Variants in PHF3 observed in about 807,000 individuals in gnomAD.
PHF3 encodes the protein PHD finger protein 3.
PHF3 carries 41 observed loss-of-function variants against 178.4 expected under a neutral mutation model. The ratio of observed to expected loss-of-function variants is 0.23; its 90% CI spans 0.18 to 0.30. PHF3 has a LOEUF of 0.30. Among genes scored for constraint, PHF3 ranks in the 10% least tolerant of loss-of-function variants. The pLI is 1.00. For synonymous variants in PHF3, 842 were observed against 800.5 expected (o/e 1.05, Z -0.88); for missense variants, 2,346 against 2,398.1 (o/e 0.98, Z 0.45).
intron 2 of PHF3, among the ~76,000 whole-genome samples, chr6:63,650,109 A>G (rs1764958490): frequency 2.0e-5 from 3 of 152,150 alleles, no homozygotes; most frequent in Admixed American, 6.5e-5. Context: ...CTGTAAGTTG[A>G]TATCTTTAGT....
At position 63,721,357 on chromosome 6, in the gene PHF3, C is replaced by G; in HGVS notation, c.*7649C>G. 6.4e-7 allele frequency: 1 copy of G among 1,551,930 alleles called. No individual in the cohort carries two copies. Among genetic ancestry groups the G allele is most frequent in the Non-Finnish European group, 8.7e-7 (1 of 1,146,994 alleles). ...CTGCAAGAAAAAGTTGTGCCATTTA[C>G]TGTACATTCACCTCCATTTCTGCAT... On this transcript the variant is annotated 3_prime_UTR_variant, in exon 16 of 16. Transcript: ENST00000262043.
chr6:63,716,754 A>G lies in PHF3; in HGVS notation c.*3046A>G, dbSNP rs189221631. 1.5e-4 allele frequency among the ~76,000 whole-genome samples: 23 copies of G among 151,900 alleles called. No homozygotes were observed. Among genetic ancestry groups the G allele is most frequent in the Middle Eastern group, 3.4e-3 (1 of 294 alleles). On this transcript the variant is annotated 3_prime_UTR_variant, in exon 16 of 16. Coordinates refer to ENST00000262043, the MANE Select transcript of PHF3 (RefSeq NM_001370348.2). Reference sequence around the variant, plus strand: ...TCATGATCCCTTCCTCCATATTTGAAGCCAGCAGTGTGGGACCCAGTCTTT... The same window carrying G: ...TCATGATCCCTTCCTCCATATTTGAGGCCAGCAGTGTGGGACCCAGTCTTT...
intron 2 of PHF3, among the ~76,000 whole-genome samples, chr6:63,657,534 AAAG>A (rs1173690128): frequency 6.6e-6 from 1 of 152,222 alleles, no homozygotes; most frequent in African/African-American, 2.4e-5. Context: ...AAATCATCAA[AAAG>A]AATATGTATT....
intron 2 of PHF3, among the ~76,000 whole-genome samples, chr6:63,667,720 TTGA>T (rs1765740328): frequency 1.3e-5 from 2 of 152,224 alleles, no homozygotes; most frequent in South Asian, 4.1e-4. Context: ...CCTTTTTCCA[TTGA>T]TACATTTTGA....
rs950308172 is a variant in PHF3, at chr6:63,705,670, C to G, written c.3368-359C>G. On this transcript the variant is annotated intron_variant, in intron 11 of 15. Coordinates refer to ENST00000262043, the MANE Select transcript of PHF3 (RefSeq NM_001370348.2). ...AAAGGTTGGGGACTGCTAATCTTGT[C>G]CATATTTACTCATGATATGTTTTAC... Among the ~76,000 whole-genome samples, 4 of 152,110 alleles carry G rather than the reference C, an allele frequency of 2.6e-5. No homozygotes were observed. In the South Asian group the frequency reaches 8.3e-4, roughly 32 times the overall value.
At chr6:63,686,175 G>T in intron 4 of PHF3, 1 of 407,632 alleles carries the variant, frequency 2.5e-6, no homozygotes. Flanking sequence ...TCACAGGTTA[G>T]ACAGTGTAAT....
chr6:63,640,130 A>G (rs1176470540), intron 1 of PHF3, among the ~76,000 whole-genome samples: 4 of 152,302 alleles, frequency 2.6e-5, no homozygotes, highest in East Asian at 1.9e-4. Flanking sequence ...TGTCTTGCCA[A>G]TAGATTCTAA....
In PHF3 at chr6:63,703,167, C is replaced by T. The variant is rs553195568; in HGVS notation, c.3232-369C>T. On this transcript the variant is annotated intron_variant, in intron 10 of 15. Coordinates refer to ENST00000262043, the MANE Select transcript of PHF3 (RefSeq NM_001370348.2). ...TGTGGGGATCACAGGTGTGAGCCAC[C>T]GTGCCTGGCCTGACTTAGTGAATTT... is the stretch of plus-strand genomic sequence containing the variant. 4.6e-5 allele frequency among the ~76,000 whole-genome samples: 7 copies of T among 152,274 alleles called. No homozygotes were observed. In the East Asian group the frequency reaches 1.4e-3, roughly 29 times the overall value.
chr6:63,658,728 G>C (rs1582021965), intron 2 of PHF3, among the ~76,000 whole-genome samples: 1 of 63,660 alleles, frequency 1.6e-5, no homozygotes, highest in Non-Finnish European at 3.2e-5. Context: ...GTGTGTGTGT[G>C]TGTGTGTGTG....
intron 1 of PHF3, 28 bp downstream of exon 1, chr6:63,636,178 G>A (rs1764320972): frequency 5.3e-6 from 2 of 378,612 alleles, no homozygotes; most frequent in Non-Finnish European, 9.3e-6. Flanking sequence ...CCGCGGCCAG[G>A]GAGACGGGCA....
At position 63,684,342 on chromosome 6, in the gene PHF3, T is replaced by C. The variant is rs1214518790; in HGVS notation, c.620T>C (p.Ile207Thr). Reference sequence around the variant, plus strand: ...AGGTGCAGCCGAAATAGCGGACAAATTGAAGTGGTACCTGAAGTATCAGTG... The same window carrying C: ...AGGTGCAGCCGAAATAGCGGACAAACTGAAGTGGTACCTGAAGTATCAGTG... ...NRRCSRNSGQIEVVPEVSVSS... is the reference protein window; with the variant it reads ...NRRCSRNSGQTEVVPEVSVSS... Residue 207 changes from isoleucine (I) to threonine (T), a missense_variant, in exon 4 of 16, where the codon ATT (isoleucine) becomes ACT (threonine). By Grantham distance (89) the Ile-to-Thr change is moderately conservative (BLOSUM62 -1). Transcript: ENST00000262043. The C allele has an allele frequency of 2.5e-6, 4 of 1,613,818 alleles. No individual in the cohort carries two copies. The African/African-American group carries it at 5.3e-5, about 22-fold the overall frequency.
chr6:63,709,115 T>C (rs1767815459), intron 13 of PHF3, 36 bp from the exon 14 acceptor site: 1 of 1,101,896 alleles, frequency 9.1e-7, no homozygotes, highest in South Asian at 1.4e-5. Context: ...AGATAATCTA[T>C]ATATATTGAT....
chr6:63,651,083 T>C (rs1214067994), intron 2 of PHF3, among the ~76,000 whole-genome samples: 3 of 152,222 alleles, frequency 2.0e-5, no homozygotes, highest in Non-Finnish European at 2.9e-5. Context: ...TAATAACTTA[T>C]TTTTGAGAAT....
chr6:63,670,302 C>G (rs553181563), intron 2 of PHF3, among the ~76,000 whole-genome samples: 1 of 152,222 alleles, frequency 6.6e-6, no homozygotes, highest in Admixed American at 6.6e-5. Flanking sequence ...GAGTCTCGCT[C>G]TTAACGCCCA....
intron 4 of PHF3, among the ~76,000 whole-genome samples, chr6:63,687,887 G>C (rs540682714): frequency 6.6e-6 from 1 of 152,258 alleles, no homozygotes; most frequent in South Asian, 2.1e-4. Flanking sequence ...GGTGCATAGA[G>C]ATTTTGGGTT....
rs546938578 is a variant in PHF3, at chr6:63,717,215, T to C, written c.*3507T>C. On this transcript the variant is annotated 3_prime_UTR_variant, in exon 16 of 16. Coordinates refer to ENST00000262043, the MANE Select transcript of PHF3 (RefSeq NM_001370348.2). ...ACTACCCGTCAACAGGTAACTTTAC[T>C]CTGTTGTTCCTAAGTTTTTAATAGT... Among the ~76,000 whole-genome samples the C allele has an allele frequency of 2.0e-5, 3 of 152,210 alleles. No homozygotes were observed. The South Asian group carries it at 6.2e-4, about 32-fold the overall frequency.
intron 5 of PHF3, among the ~76,000 whole-genome samples, chr6:63,693,386 T>C (rs1767091659): frequency 6.6e-6 from 1 of 152,050 alleles, no homozygotes; most frequent in Admixed American, 6.5e-5. Flanking sequence ...GAGGCTGAGG[T>C]GGGCGGATCG....
rs1442644902 is a variant in PHF3 at position 63,685,635 on chromosome 6, A to G, written c.1913A>G (p.Lys638Arg). 1 of 1,614,022 alleles carries G rather than the reference A, an allele frequency of 6.2e-7. No homozygotes were observed. The highest frequency in any genetic ancestry group is 1.1e-5 in the South Asian group (1 of 91,092). ...CCTCAGCAACAGGCCCCAGCAATGA[A>G]AACCAATAGTCACGTGAAGGAAGAG... ...HKPQQQAPAM[K>R]TNSHVKEELE... Residue 638 changes from lysine to arginine, a missense_variant, in exon 4 of 16, where the codon AAA becomes AGA. Physicochemically the swap from Lys to Arg is conservative, Grantham distance 26 (BLOSUM62 2). Around this residue, in one of 8 missense-constraint regions of PHF3, gnomAD observed 843 missense variants for 795.2 expected, o/e 1.06. Transcript: ENST00000262043.
intron 8 of PHF3, among the ~76,000 whole-genome samples, chr6:63,699,634 C>G (rs1217738683): frequency 1.3e-5 from 2 of 152,026 alleles, no homozygotes; most frequent in Admixed American, 1.3e-4. Context: ...CCCTGTCGCC[C>G]AGGTTGGAGT....
Sources: gnomAD v4.1 joint callset for allele counts (sites outside exome capture counted in the v4.1 genomes callset) on GRCh38, gnomAD v4.1.1 for gene constraint, gnomAD v4.1.1 regional missense constraint, MANE v1.5 for transcripts, NCBI Gene and HGNC (gene_info 2026-07-23, HGNC 2026-07-21) for gene names.